BUB1: variants seen among roughly 807,000 people sequenced by gnomAD.
The protein encoded by BUB1 is mitotic checkpoint serine/threonine-protein kinase BUB1.
Under a neutral mutation model 135.2 loss-of-function variants are expected in BUB1, and 84 were observed. That is an observed-to-expected ratio of 0.62 (90% CI 0.52 to 0.74). BUB1 has a LOEUF of 0.74. Ranked by LOEUF, BUB1 falls within the 30% of genes least tolerant of loss-of-function variation. BUB1 has a pLI of 0.00. For missense variants in BUB1, 1,162 were observed against 1,288.3 expected (o/e 0.90, Z 1.50); for synonymous variants, 403 against 434.4 (o/e 0.93, Z 0.90).
At chr2:110,644,058 C>CAAAAAAAAAAAAAAAAAAAAAAAA (rs58393999) in intron 19 of BUB1, among the ~76,000 whole-genome samples, 2 of 39,680 alleles carry the variant, frequency 5.0e-5, no homozygotes, top group Non-Finnish European at 4.3e-5. Context: ...AACTGAAATG[C>CAAAAAAAAAAAAAAAAAAAAAAAA]AAAAAAAAAA....
At position 110,678,048 on chromosome 2, in the gene BUB1, C is replaced by A. The variant is rs1219581495; in HGVS notation, c.-53G>T. ...CAAACCTGAACCGCAAACTAGAAGCCGCCGCCGATTCGAATACCCCGCGCA... is the reference window on the plus strand; with the variant it reads ...CAAACCTGAACCGCAAACTAGAAGCAGCCGCCGATTCGAATACCCCGCGCA... On this transcript the variant is annotated 5_prime_UTR_variant, in exon 1 of 25. Coordinates refer to ENST00000302759, the MANE Select transcript of BUB1 (RefSeq NM_004336.5). The A allele has an allele frequency of 4.5e-6, 7 of 1,564,376 alleles. No individual in the cohort carries two copies. Among genetic ancestry groups the A allele is most frequent in the Admixed American group, 2.0e-5 (1 of 50,690 alleles).
Position 110,661,754 on chromosome 2 carries a change from C to T in BUB1, c.1045G>A (p.Val349Met), listed in dbSNP as rs1450615625. ...CLPVTYQQTP[V>M]NMEKNPREAP... ...TCTCTTGGGTTCTTTTCCATGTTCACTGGTGTCTGCTGATAGGTTACTGGA... is the reference window on the plus strand; with the variant it reads ...TCTCTTGGGTTCTTTTCCATGTTCATTGGTGTCTGCTGATAGGTTACTGGA... The change falls in exon 10 of 25, where the codon GTG becomes ATG. Residue 349 changes from valine (V) to methionine (M), a missense_variant. Transcript: ENST00000302759. 6.2e-7 allele frequency: 1 copy of T among 1,614,200 alleles called. No individual in the cohort carries two copies.
At position 110,641,034 on chromosome 2, in the gene BUB1, C is replaced by T; in HGVS notation, c.2955G>A (p.Gln985=). The change falls in exon 23 of 25, where the codon CAG becomes CAA. Residue 985 remains glutamine, a splice_region_variant and synonymous_variant. Coordinates refer to ENST00000302759, the MANE Select transcript of BUB1 (RefSeq NM_004336.5). ...CAAGTCCCTCACTTTAGTTTTATAC[C>T]TGGTAGTTCCATGGTTTGTTGCTGA... The part of the protein sequence containing the change: ...EMLSNKPWNY[Q]IDYFGVAATV... The T allele has an allele frequency of 6.4e-7, 1 of 1,559,226 alleles. No individual in the cohort carries two copies.
At chr2:110,650,088 G>T (rs1689740022) in intron 18 of BUB1, among the ~76,000 whole-genome samples, 1 of 151,358 alleles carries the variant, frequency 6.6e-6, no homozygotes, top group Admixed American at 6.6e-5. Context: ...AAATGATCTT[G>T]GTCAAGATCA....
In BUB1 at chr2:110,649,328, T is replaced by G. The variant is rs757521205; in HGVS notation, c.2253A>C (p.Leu751Phe). 2 of 1,596,858 alleles carry G rather than the reference T, an allele frequency of 1.3e-6. No individual in the cohort carries two copies. The highest frequency in any genetic ancestry group is 8.5e-7 in the Non-Finnish European group (1 of 1,172,574). ...PWDDKLIFKLLSGLSKPVSSY... is the reference protein window; with the variant it reads ...PWDDKLIFKLFSGLSKPVSSY... Reference sequence around the variant, plus strand: ...AACTCACTGGTTTAGAAAGCCCAGATAAAAGTTTGAAAATCAGCTTATCAT... The same window carrying G: ...AACTCACTGGTTTAGAAAGCCCAGAGAAAAGTTTGAAAATCAGCTTATCAT... The change falls in exon 19 of 25, where the codon TTA becomes TTC. Residue 751 changes from leucine (L) to phenylalanine (F), a missense_variant. Leu to Phe is a conservative substitution (Grantham distance 22). Coordinates refer to ENST00000302759, the MANE Select transcript of BUB1 (RefSeq NM_004336.5).
Position 110,641,774 on chromosome 2 carries a change from G to A in BUB1, c.2493C>T (p.Phe831=), listed in dbSNP as rs758297724. The A allele has an allele frequency of 3.7e-6, 6 of 1,607,882 alleles. No homozygotes were observed. In the South Asian group the frequency reaches 5.5e-5, roughly 15 times the overall value. ...TTTCCATCAACTGGGTCCCAATGTA[G>A]AATTCCCAGGGGTTGGCAGGCTTTT... is the stretch of plus-strand genomic sequence containing the variant. ...KVQKPANPWE[F]YIGTQLMERL... Residue 831 remains phenylalanine, a synonymous_variant, in exon 21 of 25, where the codon TTC becomes TTT. Transcript: ENST00000302759.
rs566958178 is a variant in BUB1, at chr2:110,648,859, T to C, written c.2347+375A>G. ...ACAGTATGGTATGTTTTGGAGCTCA[T>C]TCCCTATCAGTACAGAGTGAGCTTT... is the stretch of plus-strand genomic sequence containing the variant. On this transcript the variant is annotated intron_variant, in intron 19 of 24. Transcript: ENST00000302759. This position sits in a 1 kb window ranked among gnomAD's most constrained non-coding sequence, Gnocchi z 4.2. 6.5e-6 allele frequency: 1 copy of C among 154,210 alleles called. No individual in the cohort carries two copies. The highest frequency in any genetic ancestry group is 2.4e-5 in the African/African-American group (1 of 41,638). 9.6% of individuals were successfully genotyped at this position (154,210 alleles called of 1,614,324 possible).
At chr2:110,674,576 CAT>C (rs1690521484) in intron 1 of BUB1, among the ~76,000 whole-genome samples, 1 of 152,210 alleles carries the variant, frequency 6.6e-6, no homozygotes, top group African/African-American at 2.4e-5. Context: ...TTCGCTCAGA[CAT>C]AGTCAGAAAA....
intron 19 of BUB1, among the ~76,000 whole-genome samples, chr2:110,647,751 T>A (rs570262756): frequency 2.0e-5 from 3 of 152,174 alleles, no homozygotes; most frequent in Non-Finnish European, 4.4e-5. Flanking sequence ...AAGATCTGGA[T>A]AGACATCTCA....
At chr2:110,645,207 G>A (rs2104519690) in intron 19 of BUB1, among the ~76,000 whole-genome samples, 1 of 152,144 alleles carries the variant, frequency 6.6e-6, no homozygotes, top group East Asian at 1.9e-4. Context: ...GCCAAGGAAG[G>A]CGGATCACCT....
Position 110,641,709 on chromosome 2 carries a change from T to G in BUB1, c.2558A>C (p.Tyr853Ser). Residue 853 changes from tyrosine to serine, a missense_variant, in exon 21 of 25, where the codon TAT becomes TCT. Transcript: ENST00000302759. ...GCCATTCTGGAATAAGTGGGCAGAATAGAACTTCATAAACATGTGCTGCAT... is the reference window on the plus strand; with the variant it reads ...GCCATTCTGGAATAAGTGGGCAGAAGAGAACTTCATAAACATGTGCTGCAT... ...PSMQHMFMKF[Y>S]SAHLFQNGSV... 1 of 1,613,148 alleles carries G rather than the reference T, an allele frequency of 6.2e-7. No individual in the cohort carries two copies. Among genetic ancestry groups the G allele is most frequent in the Non-Finnish European group, 8.5e-7 (1 of 1,179,948 alleles).
intron 19 of BUB1, among the ~76,000 whole-genome samples, chr2:110,643,703 G>C (rs1689563928): frequency 6.6e-6 from 1 of 152,078 alleles, no homozygotes; most frequent in Non-Finnish European, 1.5e-5. Flanking sequence ...GCAGTAGCAT[G>C]AACATAGCTC....
At chr2:110,665,932 A>G (rs574058477) in intron 9 of BUB1, 78 of 188,492 alleles carry the variant, frequency 4.1e-4, no homozygotes, top group Admixed American at 1.8e-3. Flanking sequence ...CAAAAAATAT[A>G]TCTAAATGAT....
At chr2:110,653,315 C>T in intron 17 of BUB1, 121 bp downstream of exon 17, 1 of 938,162 alleles carries the variant, frequency 1.1e-6, no homozygotes. Flanking sequence ...TCTTTATTGG[C>T]CTTTAAGGCT....
chr2:110,638,369 CA>C (rs773485590), intron 24 of BUB1, among the ~76,000 whole-genome samples: 5 of 152,026 alleles, frequency 3.3e-5, no homozygotes, highest in Non-Finnish European at 7.4e-5. Context: ...CATCTTGTTC[CA>C]AAAAATAAGA....
rs575316011 is a variant in BUB1 at position 110,672,056 on chromosome 2, G to A, written c.422+605C>T. 2.8e-4 allele frequency among the ~76,000 whole-genome samples: 42 copies of A among 152,200 alleles called. 1 individual carries two copies. The highest frequency in any genetic ancestry group is 1.2e-4 in the Non-Finnish European group (8 of 68,012). On this transcript the variant is annotated intron_variant, in intron 4 of 24. Transcript: ENST00000302759. ...AGTCTGGCCAACATGGCGAAACCTCGTCTCTACTAAAAATACAAAAATTAG... is the reference window on the plus strand; with the variant it reads ...AGTCTGGCCAACATGGCGAAACCTCATCTCTACTAAAAATACAAAAATTAG...
intron 9 of BUB1, among the ~76,000 whole-genome samples, chr2:110,662,914 C>G (rs1372719660): frequency 6.6e-6 from 1 of 152,116 alleles, no homozygotes; most frequent in Non-Finnish European, 1.5e-5. Flanking sequence ...AAATGATAAC[C>G]TACACCATTT....
At chr2:110,660,064 T>G (rs199832525) in intron 10 of BUB1, 28 bp from the exon 11 acceptor site, 32 of 1,586,108 alleles carry the variant, frequency 2.0e-5, no homozygotes, top group Non-Finnish European at 2.2e-5. Context: ...TGAGACACAC[T>G]AGAGAATAAA....
At chr2:110,657,457 G>A (rs1689963135) in intron 14 of BUB1, 89 bp downstream of exon 14, 19 of 903,670 alleles carry the variant, frequency 2.1e-5, no homozygotes, top group Non-Finnish European at 2.9e-5. Context: ...CATGTGATTG[G>A]CAGTTCACAT....
Sources: gnomAD v4.1 joint callset for allele counts (sites outside exome capture counted in the v4.1 genomes callset) on GRCh38, gnomAD v4.1.1 for gene constraint, Gnocchi (gnomAD v3.1) non-coding constraint, MANE v1.5 for transcripts, NCBI Gene and HGNC (gene_info 2026-07-23, HGNC 2026-07-21) for gene names.